Variants in SND1 observed in about 807,000 individuals in gnomAD.
SND1 encodes staphylococcal nuclease domain-containing protein 1.
Under a neutral mutation model 121.7 loss-of-function variants are expected in SND1, and 38 were observed. That is an observed-to-expected ratio of 0.31 (90% CI 0.24 to 0.41). The LOEUF (loss-of-function observed/expected upper bound fraction) is 0.41, where lower values mean the gene tolerates loss of function less well. Among genes scored for constraint, SND1 ranks in the 10% least tolerant of loss-of-function variants. SND1 has a pLI of 1.00. For missense variants in SND1, 868 were observed against 1,184.6 expected (o/e 0.73, Z 3.92); for synonymous variants, 401 against 447.4 (o/e 0.90, Z 1.31).
intron 1 of SND1, among the ~76,000 whole-genome samples, chr7:127,655,563 T>C (rs768577090): frequency 1.3e-4 from 20 of 152,232 alleles, no homozygotes; most frequent in Non-Finnish European, 2.4e-4. Flanking sequence ...AGCAAGTATG[T>C]GGGTGGACAA....
chr7:127,699,079 G>C lies in SND1; in HGVS notation c.428+126G>C, dbSNP rs1488534491. ...CACCTTCGCGGACATTCTTGCCCAG[G>C]TATGGATTATTCTGAGCTAGGAAGT... is the stretch of plus-strand genomic sequence containing the variant. On this transcript the variant is annotated intron_variant, in intron 4 of 23. Coordinates refer to ENST00000354725, the MANE Select transcript of SND1 (RefSeq NM_014390.4). The C allele has an allele frequency of 1.3e-5, 9 of 717,086 alleles. No individual in the cohort carries two copies. The Admixed American group carries it at 2.0e-4, about 16-fold the overall frequency. 44.4% of individuals were successfully genotyped at this position (717,086 alleles called of 1,614,324 possible).
chr7:127,742,720 T>C (rs1302826999), intron 10 of SND1, among the ~76,000 whole-genome samples: 1 of 152,168 alleles, frequency 6.6e-6, no homozygotes, highest in East Asian at 1.9e-4. Flanking sequence ...TTTCTTCGTC[T>C]TTCTTTCCTC....
chr7:127,874,290 A>G (rs1350692070), intron 12 of SND1, among the ~76,000 whole-genome samples: 1 of 152,162 alleles, frequency 6.6e-6, no homozygotes, highest in Admixed American at 6.5e-5. Context: ...TGATATGTTA[A>G]AAGGGAGATA....
chr7:127,920,656 G>A (rs1434143057), intron 14 of SND1, among the ~76,000 whole-genome samples: 1 of 152,048 alleles, frequency 6.6e-6, no homozygotes, highest in Non-Finnish European at 1.5e-5. Context: ...CTGTGGGTTG[G>A]CAGCCCTCAT....
At chr7:127,776,506 T>A (rs1385012907) in intron 10 of SND1, among the ~76,000 whole-genome samples, 1 of 151,984 alleles carries the variant, frequency 6.6e-6, no homozygotes, top group Non-Finnish European at 1.5e-5. Flanking sequence ...TAAAATAGAA[T>A]ATAGAAAAGT....
intron 12 of SND1, among the ~76,000 whole-genome samples, chr7:127,855,332 G>A (rs1275377216): frequency 1.3e-5 from 2 of 151,906 alleles, no homozygotes; most frequent in Admixed American, 6.6e-5. Flanking sequence ...GGCTGGTCTC[G>A]AACTCCTGGG....
intron 7 of SND1, among the ~76,000 whole-genome samples, chr7:127,703,965 G>C (rs949171730): frequency 2.0e-5 from 3 of 152,188 alleles, no homozygotes; most frequent in African/African-American, 7.2e-5. Flanking sequence ...AAGTCAGCTA[G>C]CTGAAGTATT....
chr7:128,067,656 G>T (rs1020951452), intron 16 of SND1, among the ~76,000 whole-genome samples: 1 of 152,126 alleles, frequency 6.6e-6, no homozygotes, highest in Admixed American at 6.5e-5. Flanking sequence ...CTACAGCCTC[G>T]CAACCCAGGG....
chr7:127,959,449 G>A (rs1206953861), intron 15 of SND1, among the ~76,000 whole-genome samples: 1 of 152,164 alleles, frequency 6.6e-6, no homozygotes, highest in Admixed American at 6.5e-5. Context: ...TGGCCTGGAA[G>A]TGTGGCCTGT....
intron 13 of SND1, among the ~76,000 whole-genome samples, chr7:127,903,653 AC>A (rs1354168338): frequency 6.6e-6 from 1 of 152,088 alleles, no homozygotes; most frequent in Non-Finnish European, 1.5e-5. Flanking sequence ...ACTGAGCAAA[AC>A]CCACCCAATT....
chr7:127,960,017 T>G (rs1168628091), intron 15 of SND1, among the ~76,000 whole-genome samples: 2 of 152,216 alleles, frequency 1.3e-5, no homozygotes, highest in Non-Finnish European at 2.9e-5. Context: ...TATCTATTCT[T>G]GCCCAGGTGG....
At chr7:127,963,392 T>G (rs984172628) in intron 15 of SND1, among the ~76,000 whole-genome samples, 3 of 142,526 alleles carry the variant, frequency 2.1e-5, no homozygotes, top group Non-Finnish European at 4.6e-5. Context: ...CTCCCAATGC[T>G]ATCCCTCCCC....
intron 16 of SND1, among the ~76,000 whole-genome samples, chr7:128,067,327 T>C (rs984882050): frequency 6.6e-6 from 1 of 152,186 alleles, no homozygotes; most frequent in African/African-American, 2.4e-5. Context: ...TTGCTGTGAT[T>C]GTTGCTGGTT....
At chr7:128,006,465 T>G (rs1368148485) in intron 16 of SND1, among the ~76,000 whole-genome samples, 2 of 152,212 alleles carry the variant, frequency 1.3e-5, no homozygotes, top group African/African-American at 4.8e-5. Flanking sequence ...TTTTAAAAAC[T>G]GTGCATTGCG....
chr7:127,960,225 C>G lies in SND1; in HGVS notation c.1670-30722C>G, dbSNP rs190600777. 2.4e-3 allele frequency among the ~76,000 whole-genome samples: 366 copies of G among 152,328 alleles called. 1 individual carries two copies. The highest frequency in any genetic ancestry group is 1.5e-3 in the Non-Finnish European group (101 of 68,030). Reference sequence around the variant, plus strand: ...TTCTTAAGCTTCTAAAATGGATTCTCATTGCTAATTTCCTAGCACGATGGT... The same window carrying G: ...TTCTTAAGCTTCTAAAATGGATTCTGATTGCTAATTTCCTAGCACGATGGT... On this transcript the variant is annotated intron_variant, in intron 15 of 23. Transcript: ENST00000354725.
chr7:127,945,231 G>A (rs899510809), intron 15 of SND1, among the ~76,000 whole-genome samples: 2 of 152,308 alleles, frequency 1.3e-5, no homozygotes, highest in Middle Eastern at 3.4e-3. Context: ...GGTGGCTCAC[G>A]CCTGTAATCC....
chr7:127,977,748 G>A (rs889397307), intron 15 of SND1, among the ~76,000 whole-genome samples: 14 of 152,150 alleles, frequency 9.2e-5, no homozygotes, highest in African/African-American at 2.7e-4. Context: ...AGTGACAAGA[G>A]CCTGACAAAC....
chr7:128,026,325 A>G (rs955682896), intron 16 of SND1, among the ~76,000 whole-genome samples: 21 of 152,218 alleles, frequency 1.4e-4, no homozygotes, highest in African/African-American at 4.8e-4. Flanking sequence ...GTGCCCATAC[A>G]TATGTGCTGG....
chr7:128,014,545 G>A (rs1431783319), intron 16 of SND1, among the ~76,000 whole-genome samples: 1 of 152,192 alleles, frequency 6.6e-6, no homozygotes, highest in East Asian at 1.9e-4. Context: ...AAGGCGGGTG[G>A]GAAGGCAGAG....
Sources: gnomAD v4.1 joint callset for allele counts (sites outside exome capture counted in the v4.1 genomes callset) on GRCh38, gnomAD v4.1.1 for gene constraint, MANE v1.5 for transcripts, NCBI Gene and HGNC (gene_info 2026-07-23, HGNC 2026-07-21) for gene names.